ZNF679: variants seen among roughly 807,000 people sequenced by gnomAD.
ZNF679 encodes the protein zinc finger protein 679.
ZNF679 carries 10 observed loss-of-function variants against 13.4 expected under a neutral mutation model. The ratio of observed to expected loss-of-function variants is 0.75; its 90% CI spans 0.46 to 1.27. The LOEUF (loss-of-function observed/expected upper bound fraction) is 1.27, where lower values mean the gene tolerates loss of function less well. ZNF679 is among the 50% of genes most tolerant of loss of function. The pLI, the probability that ZNF679 is intolerant of heterozygous loss-of-function variation, is 0.00. For synonymous variants in ZNF679, 179 were observed against 162.5 expected, an observed-to-expected ratio of 1.10 and a Z score of -0.77; for missense variants, 525 against 477.8, an observed-to-expected ratio of 1.10 and a Z score of -0.92.
chr7:64,266,889 C>T lies in ZNF679; in HGVS notation c.*20C>T. On this transcript the variant is annotated 3_prime_UTR_variant, in exon 5 of 5. Transcript: ENST00000421025. ...GAATAATGTGATAAAGTCCAGCCTT[C>T]AGACCTTATAATACATAAAATAATT... 6.6e-7 allele frequency: 1 copy of T among 1,519,696 alleles called. No homozygotes were observed. 94.1% of individuals were successfully genotyped at this position (1,519,696 alleles called of 1,614,324 possible).
At chr7:64,259,470 A>T (rs560586379) in intron 2 of ZNF679, among the ~76,000 whole-genome samples, 1 of 152,200 alleles carries the variant, frequency 6.6e-6, no homozygotes, top group African/African-American at 2.4e-5. Flanking sequence ...AAATGCTAAC[A>T]TAAACAGGAT....
In ZNF679 at chr7:64,245,322, G is replaced by A. The variant is rs1046640085; in HGVS notation, c.-90-3706G>A. On this transcript the variant is annotated intron_variant, in intron 1 of 4. Coordinates refer to ENST00000421025, the MANE Select transcript of ZNF679 (RefSeq NM_153363.3). ...ATTACAAGCATGAGTCACCATGCCC[G>A]GCCTGTTTCAGGGACTTCTGACCAG... 2.6e-5 allele frequency among the ~76,000 whole-genome samples: 4 copies of A among 151,902 alleles called. No individual in the cohort carries two copies. The South Asian group carries it at 6.2e-4, about 24-fold the overall frequency.
intron 1 of ZNF679, among the ~76,000 whole-genome samples, chr7:64,242,041 A>C (rs1045835163): frequency 1.3e-5 from 2 of 152,256 alleles, no homozygotes; most frequent in African/African-American, 4.8e-5. Flanking sequence ...TCAACAGTGC[A>C]CTGGCTCTGT....
intron 1 of ZNF679, among the ~76,000 whole-genome samples, chr7:64,232,111 G>C (rs892591): frequency 0.29 from 43,755 of 152,184 alleles, 6,321 homozygotes; most frequent in East Asian, 0.32. Context: ...TTGAACCTGG[G>C]AGGTGGAGGT....
chr7:64,255,774 A>G (rs1182011628), intron 2 of ZNF679, among the ~76,000 whole-genome samples: 1 of 151,906 alleles, frequency 6.6e-6, no homozygotes, highest in Non-Finnish European at 1.5e-5. Context: ...ACACCCAGCT[A>G]AATTTTGTAT....
At position 64,266,538 on chromosome 7, in the gene ZNF679, G is replaced by T. The variant is rs763582197; in HGVS notation, c.905G>T (p.Gly302Val). The T allele has an allele frequency of 2.5e-6, 4 of 1,612,184 alleles. No individual in the cohort carries two copies. In the Admixed American group the frequency reaches 5.0e-5, roughly 20 times the overall value. ...GEKPYTCEEC[G>V]KAFSLSSSLT... The stretch of plus-strand genomic sequence containing the variant: ...AAACCATACACATGTGAAGAATGTG[G>T]CAAAGCCTTTAGCTTATCCTCATCC... The change falls in exon 5 of 5, where the codon GGC becomes GTC. Residue 302 changes from glycine to valine, a missense_variant. Coordinates refer to ENST00000421025, the MANE Select transcript of ZNF679 (RefSeq NM_153363.3).
chr7:64,263,936 A>ATT (rs994527657), intron 4 of ZNF679, among the ~76,000 whole-genome samples: 46 of 152,006 alleles, frequency 3.0e-4, no homozygotes, highest in Non-Finnish European at 5.6e-4. Flanking sequence ...TTTTATTTCA[A>ATT]TTTTTTATTT....
intron 2 of ZNF679, 69 bp downstream of exon 2, chr7:64,249,225 G>C: frequency 6.2e-7 from 1 of 1,613,568 alleles, no homozygotes; most frequent in Admixed American, 1.7e-5. Context: ...AGTGGCTGTA[G>C]CAGGACCCAA....
At chr7:64,234,492 C>A (rs953735183) in intron 1 of ZNF679, among the ~76,000 whole-genome samples, 3 of 152,128 alleles carry the variant, frequency 2.0e-5, no homozygotes, top group Admixed American at 1.3e-4. Context: ...CGGGTCCTAG[C>A]TAGCAGCGAG....
At chr7:64,261,076 CAGAT>C in intron 4 of ZNF679, 147 bp downstream of exon 4, 1 of 781,290 alleles carries the variant, frequency 1.3e-6, no homozygotes, top group Non-Finnish European at 2.0e-6. Flanking sequence ...CTTTTGCTCT[CAGAT>C]AGGGATACCT....
chr7:64,261,746 G>A (rs889023189), intron 4 of ZNF679, among the ~76,000 whole-genome samples: 7 of 151,132 alleles, frequency 4.6e-5, no homozygotes, highest in Admixed American at 1.3e-4. Flanking sequence ...TTGTGATTTT[G>A]TTTTGCATTT....
At chr7:64,236,959 AAG>A (rs1787729770) in intron 1 of ZNF679, among the ~76,000 whole-genome samples, 1 of 31,172 alleles carries the variant, frequency 3.2e-5, no homozygotes, top group Non-Finnish European at 7.5e-5. Context: ...GAAAGAAAGA[AAG>A]AAAGAAAGAA....
intron 1 of ZNF679, 36 bp from the exon 2 acceptor site, chr7:64,248,992 T>C (rs1249511442): frequency 3.5e-6 from 5 of 1,413,508 alleles, no homozygotes; most frequent in Non-Finnish European, 4.9e-6. Context: ...GATGCCTCCG[T>C]AATTTTCCGG....
intron 4 of ZNF679, among the ~76,000 whole-genome samples, chr7:64,262,530 A>G (rs558173790): frequency 4.6e-5 from 7 of 152,220 alleles, no homozygotes; most frequent in East Asian, 1.9e-4. Flanking sequence ...TATTTTTTCA[A>G]TGTAGATATC....
At chr7:64,266,917 TACTTGAAAAAATC>T in exon 5 of ZNF679, 1 of 1,462,522 alleles carries the variant, frequency 6.8e-7, no homozygotes, top group Non-Finnish European at 9.0e-7. Context: ...AAATAATTTA[TACTTGAAAAAATC>T]ACTACAAGTG....
intron 1 of ZNF679, among the ~76,000 whole-genome samples, chr7:64,248,754 A>T (rs912681841): frequency 6.6e-6 from 1 of 152,220 alleles, no homozygotes; most frequent in African/African-American, 2.4e-5. Context: ...ATATGACGTT[A>T]TACACAAGGT....
At chr7:64,261,180 A>T (rs1788072457) in intron 4 of ZNF679, among the ~76,000 whole-genome samples, 1 of 152,134 alleles carries the variant, frequency 6.6e-6, no homozygotes, top group South Asian at 2.1e-4. Flanking sequence ...AGTTTTCTTT[A>T]TGGCTTATCA....
At chr7:64,244,527 C>T (rs902731552) in intron 1 of ZNF679, among the ~76,000 whole-genome samples, 1 of 152,056 alleles carries the variant, frequency 6.6e-6, no homozygotes, top group Non-Finnish European at 1.5e-5. Context: ...GCTTTAACTA[C>T]GGTTATGAAC....
rs904047860 is a variant in ZNF679 at position 64,232,195 on chromosome 7, A to G, written c.-91+3543A>G. Among the ~76,000 whole-genome samples, 3 of 152,192 alleles carry G rather than the reference A, an allele frequency of 2.0e-5. No homozygotes were observed. In the East Asian group the frequency reaches 5.8e-4, roughly 29 times the overall value. On this transcript the variant is annotated intron_variant, in intron 1 of 4. Transcript: ENST00000421025. Reference sequence around the variant, plus strand: ...TGAATCTCCCAGGTTTGAGACTGAGAACCTCAAGAGTGGGCTGTATGCATG... The same window carrying G: ...TGAATCTCCCAGGTTTGAGACTGAGGACCTCAAGAGTGGGCTGTATGCATG...
Sources: allele counts gnomAD v4.1 joint callset (sites outside exome capture counted in the v4.1 genomes callset), GRCh38; gene constraint gnomAD v4.1.1; transcripts MANE v1.5; gene names NCBI Gene and HGNC (gene_info 2026-07-23, HGNC 2026-07-21).